SASH1: variants seen among roughly 807,000 people sequenced by gnomAD.
The protein encoded by SASH1 is SAM and SH3 domain-containing protein 1.
Under a neutral mutation model 125.2 loss-of-function variants are expected in SASH1, and 44 were observed. That is an observed-to-expected ratio of 0.35 (90% CI 0.28 to 0.45). The LOEUF is 0.45. SASH1 is among the 20% of genes least tolerant of loss of function. The pLI is 1.00. For synonymous variants in SASH1, 639 were observed against 649.1 expected (o/e 0.98, Z 0.24); for missense variants, 1,426 against 1,614.5 (o/e 0.88, Z 2.00).
chr6:148,206,565 G>A, the SASH1 span, among the ~76,000 whole-genome samples: 1 of 152,048 alleles, frequency 6.6e-6, no homozygotes, highest in Non-Finnish European at 1.5e-5. Context: ...CAAGGCAGGT[G>A]GACCACCCGA....
intron 1 of SASH1, among the ~76,000 whole-genome samples, chr6:148,290,272 A>G (rs1779593539): frequency 1.3e-5 from 2 of 151,798 alleles, no homozygotes; most frequent in South Asian, 4.2e-4. Context: ...TATATGAGGA[A>G]AATTTCTCTT....
At chr6:148,343,899 G>T (rs1433877165) in intron 1 of SASH1, among the ~76,000 whole-genome samples, 1 of 152,138 alleles carries the variant, frequency 6.6e-6, no homozygotes, top group Non-Finnish European at 1.5e-5. Flanking sequence ...TAATAGATTT[G>T]CTTTGGTGGA....
chr6:148,505,772 G>A (rs1237140573), intron 8 of SASH1, among the ~76,000 whole-genome samples: 1 of 151,966 alleles, frequency 6.6e-6, no homozygotes, highest in East Asian at 1.9e-4. Flanking sequence ...TGGGTAGCTG[G>A]GATTACAGGC....
chr6:148,541,351 G>C (rs1419233638), intron 17 of SASH1, among the ~76,000 whole-genome samples: 1 of 151,590 alleles, frequency 6.6e-6, no homozygotes, highest in Admixed American at 6.6e-5. Context: ...ACTTAATGCA[G>C]GTTGTACTTT....
At chr6:148,548,215 C>G (rs1782671666) in intron 19 of SASH1, 80 bp from the exon 20 acceptor site, 2 of 1,290,224 alleles carry the variant, frequency 1.6e-6, no homozygotes, top group Admixed American at 4.4e-5. Flanking sequence ...TATTTCAGTG[C>G]TGTTCCTTTT....
intron 1 of SASH1, among the ~76,000 whole-genome samples, chr6:148,281,342 C>A (rs1297234263): frequency 6.6e-6 from 1 of 152,014 alleles, no homozygotes; most frequent in Non-Finnish European, 1.5e-5. Context: ...GACCTAGAAC[C>A]CTCAATTAAG....
the SASH1 span, among the ~76,000 whole-genome samples, chr6:148,246,988 A>C: frequency 6.6e-6 from 1 of 152,190 alleles, no homozygotes; most frequent in African/African-American, 2.4e-5. Flanking sequence ...GAGACAAATA[A>C]ACAGTTCCAA....
In SASH1 at chr6:148,544,813, G is replaced by T; in HGVS notation, c.3343G>T (p.Asp1115Tyr). 1 of 1,584,604 alleles carries T rather than the reference G, an allele frequency of 6.3e-7. No individual in the cohort carries two copies. Among genetic ancestry groups the T allele is most frequent in the Admixed American group, 1.8e-5 (1 of 55,072 alleles). Residue 1115 changes from aspartate (D) to tyrosine (Y), a missense_variant, in exon 18 of 20, where the codon GAT becomes TAT. Transcript: ENST00000367467. This position sits in a 1 kb window ranked among gnomAD's most constrained non-coding sequence, Gnocchi z 6.4. ...CGATCTCACGGAGGAGCCGTATTCT[G>T]ATAAGGTATCAAAGGTCCTGGGCCC... ...GIDLTEEPYS[D>Y]KHGRCGIPEA...
At position 148,440,201 on chromosome 6, in the gene SASH1, C is replaced by T; in HGVS notation, c.303C>T (p.Ser101=). The T allele has an allele frequency of 6.2e-7, 1 of 1,614,064 alleles. No individual in the cohort carries two copies. The highest frequency in any genetic ancestry group is 8.5e-7 in the Non-Finnish European group (1 of 1,179,992). Residue 101 remains serine, a synonymous_variant, in exon 3 of 20, where the codon AGC becomes AGT. Coordinates refer to ENST00000367467, the MANE Select transcript of SASH1 (RefSeq NM_015278.5). ...TGTTTTAGGAGAAACCCGATGCTAG[C>T]CCCACGTCACTTCAGCTGCGGTCCC... ...QDLEVEKPDA[S]PTSLQLRSQI...
At chr6:148,346,347 A>G (rs1030576110) in intron 1 of SASH1, among the ~76,000 whole-genome samples, 8 of 152,326 alleles carry the variant, frequency 5.3e-5, no homozygotes, top group African/African-American at 1.9e-4. Flanking sequence ...TTGCTTTCAG[A>G]TAATTGTTAA....
rs1326804231 is a variant in SASH1 at position 148,311,810 on chromosome 6, G to A, written n.74+39433G>A. 2.0e-5 allele frequency among the ~76,000 whole-genome samples: 3 copies of A among 151,752 alleles called. No homozygotes were observed. In the South Asian group the frequency reaches 6.2e-4, roughly 32 times the overall value. ...GGCGACAGGGCAAGACCTTGTCTCA[G>A]AAAAACAAAAAAATAAAATAAAACC... On this transcript the variant is annotated intron_variant and non_coding_transcript_variant, in intron 1 of 3. Transcript: ENST00000367469.
chr6:148,512,533 A>C, intron 8 of SASH1: 1 of 985,370 alleles, frequency 1.0e-6, no homozygotes, highest in Non-Finnish European at 1.2e-6. Flanking sequence ...TGACCGCTCC[A>C]ACCATTTCAT....
chr6:148,547,896 TC>T (rs1782657463), intron 19 of SASH1, among the ~76,000 whole-genome samples: 1 of 152,202 alleles, frequency 6.6e-6, no homozygotes, highest in African/African-American at 2.4e-5. Flanking sequence ...GTGGAAAGTC[TC>T]CTTTATAAAA....
chr6:148,301,331 A>C (rs1215554194), intron 1 of SASH1, among the ~76,000 whole-genome samples: 42 of 150,798 alleles, frequency 2.8e-4, no homozygotes, highest in African/African-American at 9.9e-4. Context: ...CATCTCAAAA[A>C]AAAAAAAAAA....
At chr6:148,316,670 G>C (rs1780487048) in intron 1 of SASH1, among the ~76,000 whole-genome samples, 1 of 152,216 alleles carries the variant, frequency 6.6e-6, no homozygotes. Context: ...TACACCAAGA[G>C]AGTAGTGGCA....
chr6:148,290,122 C>T (rs1779590520), intron 1 of SASH1, among the ~76,000 whole-genome samples: 3 of 150,798 alleles, frequency 2.0e-5, no homozygotes, highest in Non-Finnish European at 3.0e-5. Context: ...CCCACCTCGG[C>T]CTCCCAAAGT....
At chr6:148,421,851 C>T (rs149105065) in intron 2 of SASH1, among the ~76,000 whole-genome samples, 2 of 152,104 alleles carry the variant, frequency 1.3e-5, no homozygotes, top group African/African-American at 4.8e-5. Context: ...TTTTTCTATC[C>T]TTATTTGTCT....
chr6:148,421,146 G>GA (rs1303486608), intron 2 of SASH1, among the ~76,000 whole-genome samples: 31 of 71,240 alleles, frequency 4.4e-4, no homozygotes, highest in South Asian at 8.3e-4. Flanking sequence ...AGGAAGGAAG[G>GA]AAGAAAGAAA....
At chr6:148,249,554 C>T in the SASH1 span, among the ~76,000 whole-genome samples, 1 of 152,184 alleles carries the variant, frequency 6.6e-6, no homozygotes, top group South Asian at 2.1e-4. Flanking sequence ...GAATCTGCAA[C>T]TTACCAGCCA....
Sources: allele counts gnomAD v4.1 joint callset (sites outside exome capture counted in the v4.1 genomes callset), GRCh38; gene constraint gnomAD v4.1.1; non-coding constraint Gnocchi (gnomAD v3.1); transcripts MANE v1.5; gene names NCBI Gene and HGNC (gene_info 2026-07-23, HGNC 2026-07-21).